The following DSE variants were observed in gnomAD, a reference collection of about 807,000 sequenced individuals.
The protein encoded by DSE is dermatan-sulfate epimerase.
A neutral mutation model predicts 84.4 loss-of-function variants in DSE; 36 were observed. That is an observed-to-expected ratio of 0.43 (90% CI 0.33 to 0.56). The LOEUF (loss-of-function observed/expected upper bound fraction) is 0.56, where lower values mean the gene tolerates loss of function less well. DSE is among the 20% of genes least tolerant of loss of function. The pLI, the probability that DSE is intolerant of heterozygous loss-of-function variation, is 0.06. For synonymous variants in DSE, 410 were observed against 430.1 expected (o/e 0.95, Z 0.58); for missense variants, 862 against 1,169.6 (o/e 0.74, Z 3.84).
rs1784501152 is a variant in DSE, at chr6:116,443,874, A to G, written c.*6529A>G. The G allele has an allele frequency of 6.6e-6, 1 of 152,362 alleles. No homozygotes were observed. Among genetic ancestry groups the G allele is most frequent in the Non-Finnish European group, 1.5e-5 (1 of 68,038 alleles). The allele number at this position is 152,362 out of a possible 1,614,324, so 9.4% of individuals were successfully genotyped here. A position where few individuals can be genotyped will look rare whatever the true frequency, so the allele number is the denominator to read the frequency against. On this transcript the variant is annotated 3_prime_UTR_variant, in exon 6 of 6. Transcript: ENST00000644252. Reference sequence around the variant, plus strand: ...TTTCTTCCAAAGAAATGGTAATAACAGGACACTAGAAGTACCTTTCTGTGT... The same window carrying G: ...TTTCTTCCAAAGAAATGGTAATAACGGGACACTAGAAGTACCTTTCTGTGT...
Position 116,433,744 on chromosome 6 carries a change from A to T in DSE, c.1118+194A>T, listed in dbSNP as rs570264390. On this transcript the variant is annotated intron_variant, in intron 5 of 5. Transcript: ENST00000644252. ...AAACTCTTAGAAACTTTTCTTTTTT[A>T]AAAAAAAATTTCAACTTTTAGATAC... is the stretch of plus-strand genomic sequence containing the variant. Among the ~76,000 whole-genome samples, 66 of 151,954 alleles carry T rather than the reference A, an allele frequency of 4.3e-4. No homozygotes were observed. In the South Asian group the frequency reaches 6.7e-3, roughly 15 times the overall value.
chr6:116,421,799 G>A (rs1044139531), intron 2 of DSE, among the ~76,000 whole-genome samples: 1 of 152,020 alleles, frequency 6.6e-6, no homozygotes, highest in Admixed American at 6.6e-5. Context: ...GAAGGAAGGT[G>A]TTGTTTTACA....
chr6:116,261,323 G>C (rs1429979323), intron 2 of DSE, among the ~76,000 whole-genome samples: 2 of 151,990 alleles, frequency 1.3e-5, no homozygotes, highest in African/African-American at 4.8e-5. Context: ...TGCCTCCCAG[G>C]TTCACGCCAC....
intron 2 of DSE, among the ~76,000 whole-genome samples, chr6:116,297,160 T>C (rs73767725): frequency 0.055 from 8,301 of 152,130 alleles, 763 homozygotes; most frequent in African/African-American, 0.19. Context: ...GGCTTCCTAC[T>C]GCCAGGCCAG....
intron 2 of DSE, chr6:116,278,714 G>A: frequency 6.2e-7 from 1 of 1,614,146 alleles, no homozygotes; most frequent in Non-Finnish European, 8.5e-7. Flanking sequence ...CTGCAGATGA[G>A]GTCTTGGTTT....
Position 116,436,530 on chromosome 6 carries a change from G to T in DSE, c.2062G>T (p.Ala688Ser). The T allele has an allele frequency of 6.2e-7, 1 of 1,614,144 alleles. No homozygotes were observed. The highest frequency in any genetic ancestry group is 1.3e-5 in the African/African-American group (1 of 75,050). Residue 688 changes from alanine to serine, a missense_variant, in exon 6 of 6, where the codon GCC becomes TCC. Around this residue, in one of 4 missense-constraint regions of DSE, gnomAD observed 315 missense variants for 348.1 expected, o/e 0.90. Transcript: ENST00000644252. Reference sequence around the variant, plus strand: ...CTCTCAGCAACTGGATGTGTTCATAGCCACCAGCAAACATGCCTACGCCAC... The same window carrying T: ...CTCTCAGCAACTGGATGTGTTCATATCCACCAGCAAACATGCCTACGCCAC... ...GDSQQLDVFI[A>S]TSKHAYATYL...
upstream of DSE, among the ~76,000 whole-genome samples, chr6:116,365,654 C>G (rs1013581834): frequency 4.6e-5 from 7 of 152,206 alleles, no homozygotes; most frequent in African/African-American, 1.7e-4. Flanking sequence ...TTGGAACTAT[C>G]TCGTACCTTT....
At chr6:116,352,621 A>C (rs987148502) in intron 2 of DSE, among the ~76,000 whole-genome samples, 5 of 152,144 alleles carry the variant, frequency 3.3e-5, no homozygotes, top group Non-Finnish European at 7.4e-5. Flanking sequence ...GAAATAAAAA[A>C]CAGGAACTTT....
intron 2 of DSE, among the ~76,000 whole-genome samples, chr6:116,319,955 G>A (rs1776203896): frequency 2.0e-5 from 3 of 152,138 alleles, no homozygotes; most frequent in Admixed American, 1.3e-4. Context: ...CTTGGTAACT[G>A]TCCCTGACTT....
At chr6:116,342,512 C>T (rs565622319) in intron 2 of DSE, among the ~76,000 whole-genome samples, 4 of 152,258 alleles carry the variant, frequency 2.6e-5, no homozygotes, top group Admixed American at 2.6e-4. Context: ...AACTCCTGAC[C>T]TCGTAATCTA....
intron 2 of DSE, among the ~76,000 whole-genome samples, chr6:116,407,421 G>C (rs2115014466): frequency 6.6e-6 from 1 of 152,208 alleles, no homozygotes; most frequent in Non-Finnish European, 1.5e-5. Flanking sequence ...TCACTTTGTT[G>C]ATACTGCCAA....
chr6:116,400,865 T>C (rs1038026610), intron 2 of DSE: 2 of 152,176 alleles, frequency 1.3e-5, no homozygotes, highest in Middle Eastern at 3.2e-3. Flanking sequence ...AATTACCAGA[T>C]TACATTATCA....
intron 2 of DSE, among the ~76,000 whole-genome samples, chr6:116,338,219 CTTTTT>C (rs893312210): frequency 1.4e-4 from 13 of 91,190 alleles, no homozygotes; most frequent in Middle Eastern, 5.9e-3. Context: ...TTTCTTCTTT[CTTTTT>C]TTTTTTTTTT....
At chr6:116,403,864 T>A (rs1781754827) in intron 2 of DSE, among the ~76,000 whole-genome samples, 1 of 152,204 alleles carries the variant, frequency 6.6e-6, no homozygotes, top group African/African-American at 2.4e-5. Context: ...CAGTGTTATT[T>A]CTTTACACCA....
chr6:116,348,819 T>C (rs1778149196), intron 2 of DSE, among the ~76,000 whole-genome samples: 1 of 152,190 alleles, frequency 6.6e-6, no homozygotes, highest in South Asian at 2.1e-4. Flanking sequence ...GTTCATGTCC[T>C]TTGTAGGGAC....
At chr6:116,285,017 T>A (rs79045201) in intron 2 of DSE, among the ~76,000 whole-genome samples, 30,297 of 152,016 alleles carry the variant, frequency 0.2, 3,271 homozygotes, top group East Asian at 0.29. Flanking sequence ...TGATTTATAA[T>A]CCTTTGGGTA....
rs9400898 is a variant in DSE, at chr6:116,280,122, G to C, written c.-54+21155G>C. On this transcript the variant is annotated intron_variant, in intron 2 of 3. Coordinates refer to the DSE transcript ENST00000430252. ...TCGATTGTGCTGAGTCTGGAAGCGC[G>C]GACGACCCACCTTGAGATGCATCTA... is the stretch of plus-strand genomic sequence containing the variant. 136,861 of 482,718 alleles carry C rather than the reference G, an allele frequency of 0.28. 23,257 individuals are homozygous for C. The highest frequency in any genetic ancestry group is 0.63 in the East Asian group (14,431 of 22,940). 29.9% of individuals were successfully genotyped at this position (482,718 alleles called of 1,614,324 possible).
At chr6:116,348,779 G>A (rs541385158) in intron 2 of DSE, among the ~76,000 whole-genome samples, 1 of 152,332 alleles carries the variant, frequency 6.6e-6, no homozygotes, top group East Asian at 1.9e-4. Context: ...TATACACCAT[G>A]GAATACTATG....
intron 2 of DSE, among the ~76,000 whole-genome samples, chr6:116,331,888 C>T (rs11963568): frequency 5.3e-5 from 8 of 152,090 alleles, no homozygotes; most frequent in Non-Finnish European, 8.8e-5. Context: ...ACCCGAGAGG[C>T]GGAGGTTGCA....
Sources: allele counts gnomAD v4.1 joint callset (sites outside exome capture counted in the v4.1 genomes callset), GRCh38; gene constraint gnomAD v4.1.1; regional missense constraint gnomAD v4.1.1; transcripts MANE v1.5; gene names NCBI Gene and HGNC (gene_info 2026-07-23, HGNC 2026-07-21).